Variants in PXDN observed in about 807,000 individuals in gnomAD.
PXDN encodes peroxidasin homolog.
A neutral mutation model predicts 140.3 loss-of-function variants in PXDN; 77 were observed. The observed-to-expected ratio is 0.55, with a 90% CI of 0.46 to 0.66. PXDN has a LOEUF of 0.66. Ranked by LOEUF, PXDN falls within the 30% of genes least tolerant of loss-of-function variation. PXDN has a pLI of 0.00. For missense variants in PXDN, 1,838 were observed against 2,039.5 expected (o/e 0.90, Z 1.90); for synonymous variants, 911 against 857.4 (o/e 1.06, Z -1.09).
chr2:1,662,104 C>A lies in PXDN; in HGVS notation c.1648G>T (p.Gly550Cys). ...ANVQLPCSSQ[G>C]EPEPAITWNK... Reference sequence around the variant, plus strand: ...CAGGTGATGGCTGGCTCGGGCTCGCCCTGGGAGCTGCACGGGAGCTGCACA... The same window carrying A: ...CAGGTGATGGCTGGCTCGGGCTCGCACTGGGAGCTGCACGGGAGCTGCACA... Residue 550 changes from glycine to cysteine, a missense_variant, in exon 13 of 23, where the codon GGC (glycine) becomes TGC (cysteine). This residue lies in a region of PXDN where 537 missense variants were observed against 583.9 expected (regional missense o/e 0.92). Coordinates refer to ENST00000252804, the MANE Select transcript of PXDN (RefSeq NM_012293.3). The A allele has an allele frequency of 6.3e-7, 1 of 1,596,330 alleles. No individual in the cohort carries two copies. Among genetic ancestry groups the A allele is most frequent in the East Asian group, 2.3e-5 (1 of 44,170 alleles).
At chr2:1,661,149 C>T (rs749104987) in intron 13 of PXDN, 112 bp from the exon 14 acceptor site, 1 of 1,292,126 alleles carries the variant, frequency 7.7e-7, no homozygotes, top group East Asian at 2.5e-5. Flanking sequence ...AATGGAGAAG[C>T]TCCCAGGCTG....
chr2:1,635,470 C>T lies in PXDN; in HGVS notation c.4258G>A (p.Gly1420Ser), dbSNP rs1193530648. 3.7e-6 allele frequency: 6 copies of T among 1,602,276 alleles called. No homozygotes were observed. The highest frequency in any genetic ancestry group is 5.1e-6 in the Non-Finnish European group (6 of 1,173,930). Residue 1420 changes from glycine to serine, a missense_variant, in exon 22 of 23, where the codon GGC becomes AGC. By Grantham distance (56) the Gly-to-Ser change is moderately conservative. This residue lies in a region of PXDN where 850 missense variants were observed against 894.1 expected (regional missense o/e 0.95). Transcript: ENST00000252804. The part of the protein sequence containing the change: ...LSTTECVDAG[G>S]ESHANNTKWK... ...TTGGTGTTGTTGGCGTGAGATTCGC[C>T]CCCGGCATCCACGCACTCTGTGGTA...
At chr2:1,675,291 CA>C (rs1481149833) in intron 8 of PXDN, among the ~76,000 whole-genome samples, 3 of 152,200 alleles carry the variant, frequency 2.0e-5, no homozygotes, top group African/African-American at 7.2e-5. Context: ...CACAGGTCAC[CA>C]GGCCTCAGGG....
At chr2:1,711,023 C>T (rs1261749176) in intron 1 of PXDN, among the ~76,000 whole-genome samples, 2 of 75,094 alleles carry the variant, frequency 2.7e-5, no homozygotes, top group African/African-American at 9.8e-5. Context: ...TCTCCACCAG[C>T]ACCCACTCCA....
chr2:1,710,501 T>TAGCACCCACTCTCCACC (rs1558520450), intron 1 of PXDN, among the ~76,000 whole-genome samples: 4 of 130,816 alleles, frequency 3.1e-5, no homozygotes, highest in African/African-American at 1.2e-4. Context: ...CACTCTCCAC[T>TAGCACCCACTCTCCACC]AGCACCCACT....
Position 1,660,873 on chromosome 2 carries a change from C to T in PXDN, c.1837+8G>A. ...CATGTGGGTAGATGTGGGCATGTGGCATCTTACCATTCACACTGAGCACCA... is the reference window on the plus strand; with the variant it reads ...CATGTGGGTAGATGTGGGCATGTGGTATCTTACCATTCACACTGAGCACCA... On this transcript the variant is annotated splice_region_variant and intron_variant, in intron 14 of 22. Coordinates refer to ENST00000252804, the MANE Select transcript of PXDN (RefSeq NM_012293.3). The surrounding 1 kb of genome is among the most constrained non-coding windows in gnomAD (Gnocchi z 4.6). 2 of 1,604,892 alleles carry T rather than the reference C, an allele frequency of 1.2e-6. No individual in the cohort carries two copies. Among genetic ancestry groups the T allele is most frequent in the East Asian group, 2.2e-5 (1 of 44,670 alleles).
At chr2:1,658,070 CTCTCTCTCTCTCT>C (rs1558494450) in intron 14 of PXDN, among the ~76,000 whole-genome samples, 8 of 108,918 alleles carry the variant, frequency 7.3e-5, no homozygotes, top group East Asian at 4.7e-4. Flanking sequence ...CTCTCTCTCT[CTCTCTCTCTCTCT>C]CTCTCTCTCT....
At chr2:1,694,376 T>C (rs1684251637) in intron 1 of PXDN, among the ~76,000 whole-genome samples, 1 of 152,286 alleles carries the variant, frequency 6.6e-6, no homozygotes, top group South Asian at 2.1e-4. Context: ...TTCAATAAGA[T>C]ACTTCAAAAA....
chr2:1,705,933 T>C (rs557022891), intron 1 of PXDN, among the ~76,000 whole-genome samples: 26 of 152,046 alleles, frequency 1.7e-4, no homozygotes, highest in Non-Finnish European at 3.5e-4. Flanking sequence ...AAGGAGCAGT[T>C]CTCCGTCCAT....
chr2:1,700,955 T>C (rs918776242), intron 1 of PXDN, among the ~76,000 whole-genome samples: 2 of 152,164 alleles, frequency 1.3e-5, no homozygotes, highest in Non-Finnish European at 2.9e-5. Context: ...AGTGCTTTAC[T>C]GATTTTAAAG....
chr2:1,729,240 A>T (rs1211360009), intron 1 of PXDN, among the ~76,000 whole-genome samples: 2 of 152,230 alleles, frequency 1.3e-5, no homozygotes, highest in Non-Finnish European at 2.9e-5. Flanking sequence ...ACAAATTGTA[A>T]GAATCAAAAT....
intron 1 of PXDN, among the ~76,000 whole-genome samples, chr2:1,740,549 T>C (rs986730993): frequency 3.9e-5 from 5 of 128,662 alleles, no homozygotes; most frequent in Admixed American, 9.3e-5. Flanking sequence ...CTTCTGCTCA[T>C]GTGAACACAG....
chr2:1,681,781 G>A (rs2125442551), intron 6 of PXDN, among the ~76,000 whole-genome samples: 1 of 152,344 alleles, frequency 6.6e-6, no homozygotes, highest in Non-Finnish European at 1.5e-5. Context: ...AGGACCACAG[G>A]CACATGCAAG....
intron 14 of PXDN, among the ~76,000 whole-genome samples, chr2:1,659,403 T>C (rs1218025575): frequency 6.6e-6 from 1 of 152,250 alleles, no homozygotes. Flanking sequence ...GGTAGATAAA[T>C]GAGACATACA....
intron 1 of PXDN, among the ~76,000 whole-genome samples, chr2:1,726,557 T>G (rs909178142): frequency 6.6e-6 from 1 of 151,962 alleles, no homozygotes; most frequent in Non-Finnish European, 1.5e-5. Context: ...TGTGCACATG[T>G]ACCCTAAAAC....
chr2:1,722,239 C>T (rs928658790), intron 1 of PXDN, among the ~76,000 whole-genome samples: 2 of 152,184 alleles, frequency 1.3e-5, no homozygotes, highest in African/African-American at 2.4e-5. Context: ...TCCACGTGGA[C>T]GTCTTCACTT....
intron 1 of PXDN, among the ~76,000 whole-genome samples, chr2:1,701,481 G>A (rs2125457425): frequency 6.6e-6 from 1 of 152,286 alleles, no homozygotes; most frequent in South Asian, 2.1e-4. Flanking sequence ...TGCCCAGAGT[G>A]GAGGGCAAGG....
At chr2:1,722,619 A>G (rs1459518183) in intron 1 of PXDN, among the ~76,000 whole-genome samples, 1 of 152,226 alleles carries the variant, frequency 6.6e-6, no homozygotes. Context: ...AAATATAAGA[A>G]AGTTGTATTT....
chr2:1,635,650 A>G (rs915143844), intron 21 of PXDN, 129 bp from the exon 22 acceptor site: 33 of 784,804 alleles, frequency 4.2e-5, no homozygotes, highest in Non-Finnish European at 8.6e-6. Flanking sequence ...AATATTTCTG[A>G]AGAACTTTTA....
Sources: gnomAD v4.1 joint callset for allele counts (sites outside exome capture counted in the v4.1 genomes callset) on GRCh38, gnomAD v4.1.1 for gene constraint, gnomAD v4.1.1 regional missense constraint, Gnocchi (gnomAD v3.1) non-coding constraint, MANE v1.5 for transcripts, NCBI Gene and HGNC (gene_info 2026-07-23, HGNC 2026-07-21) for gene names.